The following NRG2 variants were observed in gnomAD, a reference collection of about 807,000 sequenced individuals.
The protein encoded by NRG2 is neuregulin 2.
Under a neutral mutation model 73.9 loss-of-function variants are expected in NRG2, and 27 were observed. The ratio of observed to expected loss-of-function variants is 0.37; its 90% CI spans 0.27 to 0.50. The LOEUF (loss-of-function observed/expected upper bound fraction) is 0.50, where lower values mean the gene tolerates loss of function less well. Among genes scored for constraint, NRG2 ranks in the 20% least tolerant of loss-of-function variants. The probability of loss-of-function intolerance (pLI) is 0.96; values close to 1 mark genes in which losing one functional copy is unlikely to be tolerated. For synonymous variants in NRG2, 532 were observed against 541.0 expected (o/e 0.98, Z 0.23); for missense variants, 1,126 against 1,210.1 (o/e 0.93, Z 1.03).
intron 1 of NRG2, among the ~76,000 whole-genome samples, chr5:139,987,869 G>T (rs188207819): frequency 6.6e-6 from 1 of 151,438 alleles, no homozygotes; most frequent in African/African-American, 2.4e-5. Flanking sequence ...CCACCTCCCG[G>T]GTTCACGCCA....
chr5:139,875,140 T>C (rs1763090279), intron 3 of NRG2, among the ~76,000 whole-genome samples: 1 of 152,206 alleles, frequency 6.6e-6, no homozygotes, highest in South Asian at 2.1e-4. Context: ...GCCTCCCAAG[T>C]AGCTGGGATT....
At chr5:139,991,143 G>C (rs536670583) in intron 1 of NRG2, among the ~76,000 whole-genome samples, 1 of 152,040 alleles carries the variant, frequency 6.6e-6, no homozygotes, top group East Asian at 1.9e-4. Flanking sequence ...GCATGGTGTG[G>C]GGGGGTGCCT....
At chr5:139,848,758 GTTGGGGGTGGGGTAGGGTGGGA>G in intron 9 of NRG2, 61 bp from the exon 10 acceptor site, 1 of 718,196 alleles carries the variant, frequency 1.4e-6, no homozygotes, top group Non-Finnish European at 1.9e-6. Flanking sequence ...GGGAGGGGGG[GTTGGGGGTGGGGTAGGGTGGGA>G]GGGGCGGACC....
chr5:139,859,059 C>G (rs1181789569), intron 5 of NRG2, among the ~76,000 whole-genome samples: 1 of 152,184 alleles, frequency 6.6e-6, no homozygotes, highest in African/African-American at 2.4e-5. Context: ...TGCCTCTCTC[C>G]TCATGTCATA....
intron 1 of NRG2, among the ~76,000 whole-genome samples, chr5:140,013,959 T>C (rs964842272): frequency 6.6e-6 from 1 of 152,216 alleles, no homozygotes; most frequent in Non-Finnish European, 1.5e-5. Flanking sequence ...AACCCTTTAA[T>C]ATTGTAGTGT....
chr5:139,854,846 A>G (rs1005386514), intron 6 of NRG2, among the ~76,000 whole-genome samples: 1 of 152,044 alleles, frequency 6.6e-6, no homozygotes, highest in Middle Eastern at 3.4e-3. Flanking sequence ...AGGCACATCT[A>G]TAGCCTTCAC....
At chr5:139,973,103 C>A (rs953562238) in intron 1 of NRG2, among the ~76,000 whole-genome samples, 1 of 122,452 alleles carries the variant, frequency 8.2e-6, no homozygotes, top group Non-Finnish European at 1.6e-5. Flanking sequence ...ACATACATAT[C>A]TTTAGTCTCT....
At chr5:140,013,480 C>T (rs12514486) in intron 1 of NRG2, among the ~76,000 whole-genome samples, 9,392 of 152,290 alleles carry the variant, frequency 0.062, 313 homozygotes, top group Middle Eastern at 0.13. Flanking sequence ...TGTGAATGCA[C>T]TTAATGCCAC....
At chr5:139,895,199 C>G (rs934651588) in intron 1 of NRG2, among the ~76,000 whole-genome samples, 1 of 152,258 alleles carries the variant, frequency 6.6e-6, no homozygotes, top group Non-Finnish European at 1.5e-5. Flanking sequence ...ACAGCCCCCT[C>G]TGCCAGGAGC....
chr5:139,925,748 C>A (rs1752005838), intron 1 of NRG2, among the ~76,000 whole-genome samples: 1 of 152,180 alleles, frequency 6.6e-6, no homozygotes, highest in Non-Finnish European at 1.5e-5. Flanking sequence ...CAGTAGCCTG[C>A]AGCGCAGGCT....
chr5:139,939,224 C>T (rs1444546167), intron 1 of NRG2, among the ~76,000 whole-genome samples: 1 of 144,596 alleles, frequency 6.9e-6, no homozygotes, highest in Non-Finnish European at 1.5e-5. Flanking sequence ...TCCTTCCTTC[C>T]TTCCTTCCTT....
Position 140,042,961 on chromosome 5 carries a change from T to A in NRG2, c.109A>T (p.Ser37Cys), listed in dbSNP as rs1365700826. The change falls in exon 1 of 10, where the codon AGC (serine) becomes TGC (cysteine). Residue 37 changes from serine to cysteine, a missense_variant. Ser to Cys is a moderately radical substitution (Grantham distance 112). This residue lies in a region of NRG2 where 185 missense variants were observed against 149.0 expected (regional missense o/e 1.24). Coordinates refer to ENST00000361474, the MANE Select transcript of NRG2 (RefSeq NM_004883.3). Reference protein sequence around the residue: ...SSSSERSSSSSSSSSESGSSS... With the variant: ...SSSSERSSSSCSSSSESGSSS... The stretch of plus-strand genomic sequence containing the variant: ...CTGCCGCTCTCGCTGCTGCTGCTGC[T>A]GCTGCTGCTGCTCCTCTCGCTGCTG... The A allele has an allele frequency of 3.9e-6, 6 of 1,547,716 alleles. No individual in the cohort carries two copies. In the East Asian group the frequency reaches 1.5e-4, roughly 38 times the overall value.
At chr5:139,867,078 G>A (rs1762512375) in intron 4 of NRG2, among the ~76,000 whole-genome samples, 2 of 152,178 alleles carry the variant, frequency 1.3e-5, no homozygotes. Context: ...TTCCTCAAGA[G>A]GCAAGTGTAC....
At chr5:140,018,448 G>C (rs1340934997) in intron 1 of NRG2, among the ~76,000 whole-genome samples, 1 of 152,212 alleles carries the variant, frequency 6.6e-6, no homozygotes, top group Non-Finnish European at 1.5e-5. Context: ...GCACAGCATC[G>C]CTGCCTGACA....
At chr5:139,998,944 C>T (rs1007929212) in intron 1 of NRG2, among the ~76,000 whole-genome samples, 1 of 152,212 alleles carries the variant, frequency 6.6e-6, no homozygotes, top group East Asian at 1.9e-4. Flanking sequence ...CATCACAAGC[C>T]CCTTGCCCCA....
intron 1 of NRG2, among the ~76,000 whole-genome samples, chr5:139,944,894 T>G (rs1753693842): frequency 6.6e-6 from 1 of 152,192 alleles, no homozygotes; most frequent in Admixed American, 6.5e-5. Context: ...AGTTCCCTTC[T>G]CTCTGCATCT....
intron 1 of NRG2, among the ~76,000 whole-genome samples, chr5:139,924,641 C>T (rs1258652190): frequency 6.6e-6 from 1 of 152,200 alleles, no homozygotes; most frequent in Non-Finnish European, 1.5e-5. Flanking sequence ...TCCATCTGCT[C>T]TTGCTCCCTT....
intron 1 of NRG2, among the ~76,000 whole-genome samples, chr5:139,978,310 A>G (rs1376681350): frequency 6.6e-6 from 1 of 152,254 alleles, no homozygotes; most frequent in Non-Finnish European, 1.5e-5. Context: ...TTCTCAAAAG[A>G]AGACATTTAT....
chr5:139,932,741 C>T (rs1166209245), intron 1 of NRG2, among the ~76,000 whole-genome samples: 1 of 150,894 alleles, frequency 6.6e-6, no homozygotes. Context: ...CTCAAGTATA[C>T]ACAATAAAAT....
Sources: gnomAD v4.1 joint callset for allele counts (sites outside exome capture counted in the v4.1 genomes callset) on GRCh38, gnomAD v4.1.1 for gene constraint, gnomAD v4.1.1 regional missense constraint, MANE v1.5 for transcripts, NCBI Gene and HGNC (gene_info 2026-07-23, HGNC 2026-07-21) for gene names.